Variants in APC observed in about 807,000 individuals in gnomAD.
APC encodes the protein APC regulator of Wnt signaling pathway, also known as adenomatous polyposis coli protein.
In APC, 72 loss-of-function variants were observed where a neutral mutation model predicts 247.0. That is an observed-to-expected ratio of 0.29 (90% CI 0.24 to 0.35). The LOEUF (loss-of-function observed/expected upper bound fraction) is 0.35. APC is among the 10% of genes least tolerant of loss of function. APC has a pLI of 1.00. For missense variants in APC, 3,400 were observed against 3,360.7 expected (o/e 1.01, Z -0.29); for synonymous variants, 1,254 against 1,162.5 (o/e 1.08, Z -1.60).
At position 112,838,900 on chromosome 5, in the gene APC, C is replaced by T. The variant is rs879254092; in HGVS notation, c.3306C>T (p.Tyr1102=). The change falls in exon 16 of 16, where the codon TAC becomes TAT. Residue 1102 remains tyrosine, a synonymous_variant. Coordinates refer to ENST00000257430, the MANE Select transcript of APC (RefSeq NM_000038.6). ...HFGQQECVSP[Y]RSRGANGSET... is the part of the protein sequence containing the mutation. ...GACAGCAGGAATGTGTTTCTCCATA[C>T]AGGTCACGGGGAGCCAATGGTTCAG... 1.2e-6 allele frequency: 2 copies of T among 1,614,100 alleles called. No homozygotes were observed. Among genetic ancestry groups the T allele is most frequent in the Non-Finnish European group, 1.7e-6 (2 of 1,180,038 alleles).
At chr5:112,739,237 CT>C (rs1230472851) in intron 1 of APC, among the ~76,000 whole-genome samples, 2 of 151,826 alleles carry the variant, frequency 1.3e-5, no homozygotes, top group South Asian at 2.1e-4. Flanking sequence ...TTTCATTGAG[CT>C]TTTTTTTCCT....
At chr5:112,767,115 AT>A in intron 3 of APC, 73 bp from the exon 4 acceptor site, 1 of 1,243,300 alleles carries the variant, frequency 8.0e-7, no homozygotes, top group Non-Finnish European at 1.2e-6. Flanking sequence ...TCACTTTAAA[AT>A]AATATAACAT....
intron 8 of APC, chr5:112,810,282 A>G (rs1761859560): frequency 5.6e-6 from 2 of 354,102 alleles, no homozygotes; most frequent in African/African-American, 2.2e-5. Context: ...CTGATGTCAC[A>G]GCAAAAGGTG....
At chr5:112,765,150 G>A (rs1407596761) in intron 2 of APC, among the ~76,000 whole-genome samples, 3 of 152,144 alleles carry the variant, frequency 2.0e-5, no homozygotes, top group African/African-American at 7.2e-5. Flanking sequence ...TGTCCCCCAG[G>A]CTGGAGTGCA....
At chr5:112,717,423 T>G (rs1425646556) in intron 1 of APC, among the ~76,000 whole-genome samples, 2 of 152,232 alleles carry the variant, frequency 1.3e-5, no homozygotes, top group Non-Finnish European at 2.9e-5. Context: ...ATCTTTTTAC[T>G]TTTCGTATGA....
chr5:112,737,753 A>G, upstream of APC: 1 of 799,646 alleles, frequency 1.3e-6, no homozygotes, highest in Non-Finnish European at 1.5e-6. Context: ...GGAAGCGGAG[A>G]GAGAAGCAGC....
At chr5:112,789,528 G>A (rs988344899) in intron 6 of APC, among the ~76,000 whole-genome samples, 1 of 152,158 alleles carries the variant, frequency 6.6e-6, no homozygotes, top group African/African-American at 2.4e-5. Context: ...ATATGGAAAT[G>A]TAGTGTAAAA....
At chr5:112,709,671 G>A (rs1176105002) in intron 1 of APC, among the ~76,000 whole-genome samples, 1 of 152,156 alleles carries the variant, frequency 6.6e-6, no homozygotes, top group African/African-American at 2.4e-5. Context: ...AGAGGCCAAA[G>A]CGCATGGATC....
At chr5:112,762,144 G>A (rs1755742446) in intron 2 of APC, among the ~76,000 whole-genome samples, 1 of 152,076 alleles carries the variant, frequency 6.6e-6, no homozygotes, top group Non-Finnish European at 1.5e-5. Flanking sequence ...CCATGAAAAG[G>A]GATTCAGCAT....
chr5:112,769,050 CTTTTTTTTTT>C (rs11379766), intron 4 of APC, among the ~76,000 whole-genome samples: 2 of 96,824 alleles, frequency 2.1e-5, no homozygotes, highest in Non-Finnish European at 3.9e-5. Context: ...TTTTTTTCTT[CTTTTTTTTTT>C]TTTTTTTTTT....
intron 1 of APC, among the ~76,000 whole-genome samples, chr5:112,712,649 C>T (rs1020670032): frequency 2.6e-5 from 4 of 151,572 alleles, no homozygotes; most frequent in Non-Finnish European, 2.9e-5. Context: ...CTGGGATTCT[C>T]AAAGTGCTGG....
chr5:112,764,092 A>AAG (rs1207899688), intron 2 of APC, among the ~76,000 whole-genome samples: 19 of 151,880 alleles, frequency 1.3e-4, no homozygotes, highest in Non-Finnish European at 2.8e-4. Flanking sequence ...AAAAAAAAAA[A>AAG]AAAATTAGCC....
Position 112,797,052 on chromosome 5 carries a change from G to C in APC, c.730-4227G>C, listed in dbSNP as rs957678787. ...TTTCCAGTACTGTTACAAGTTTCAGGTTGGAAACTTGTTTGTGTTTCTTGT... is the reference window on the plus strand; with the variant it reads ...TTTCCAGTACTGTTACAAGTTTCAGCTTGGAAACTTGTTTGTGTTTCTTGT... On this transcript the variant is annotated intron_variant, in intron 7 of 15. Transcript: ENST00000257430. Among the ~76,000 whole-genome samples, 12 of 151,886 alleles carry C rather than the reference G, an allele frequency of 7.9e-5. 1 individual carries two copies. Among genetic ancestry groups the C allele is most frequent in the African/African-American group, 2.9e-4 (12 of 41,346 alleles).
In APC at chr5:112,839,109, A is replaced by T. The variant is rs1024630299; in HGVS notation, c.3515A>T (p.His1172Leu). ...ATAAAATATAATGAAGAGAAACGTCATGTGGATCAGCCTATTGATTATAGT... is the reference window on the plus strand; with the variant it reads ...ATAAAATATAATGAAGAGAAACGTCTTGTGGATCAGCCTATTGATTATAGT... Reference protein sequence around the residue: ...YSIKYNEEKRHVDQPIDYSLK... With the variant: ...YSIKYNEEKRLVDQPIDYSLK... Residue 1172 changes from histidine (H) to leucine (L), a missense_variant, in exon 16 of 16, where the codon CAT becomes CTT. Physicochemically the swap from His to Leu is moderately conservative, Grantham distance 99. This residue lies in a region of APC where 715 missense variants were observed against 656.6 expected (regional missense o/e 1.09). Transcript: ENST00000257430. This position sits in a 1 kb window ranked among gnomAD's most constrained non-coding sequence, Gnocchi z 5.0. 2.5e-6 allele frequency: 4 copies of T among 1,614,032 alleles called. No individual in the cohort carries two copies. The highest frequency in any genetic ancestry group is 3.4e-6 in the Non-Finnish European group (4 of 1,180,026).
At chr5:112,728,590 T>G (rs1751929163) in intron 1 of APC, among the ~76,000 whole-genome samples, 1 of 152,232 alleles carries the variant, frequency 6.6e-6, no homozygotes, top group South Asian at 2.1e-4. Flanking sequence ...ACGCACAGTT[T>G]TTTCTAAATC....
chr5:112,737,097 A>G (rs1412966949), upstream of APC, among the ~76,000 whole-genome samples: 4 of 152,316 alleles, frequency 2.6e-5, no homozygotes, highest in Admixed American at 1.3e-4. Context: ...TTTAAATGCA[A>G]TGTAGAATTT....
intron 1 of APC, among the ~76,000 whole-genome samples, chr5:112,718,165 T>G (rs1276349349): frequency 6.6e-6 from 1 of 152,024 alleles, no homozygotes. Context: ...TTTATCCCCT[T>G]GAATGTAGTA....
chr5:112,836,460 A>G (rs1764959479), intron 15 of APC, among the ~76,000 whole-genome samples: 1 of 152,196 alleles, frequency 6.6e-6, no homozygotes, highest in Admixed American at 6.5e-5. Context: ...TGCTAAGAGA[A>G]GACGACCATG....
At chr5:112,733,399 C>T (rs1208089070), upstream of APC, among the ~76,000 whole-genome samples, 3 of 152,100 alleles carry the variant, frequency 2.0e-5, no homozygotes, top group African/African-American at 7.2e-5. Context: ...AAAGAGGTTA[C>T]TTAAGAGTGG....
Sources: allele counts gnomAD v4.1 joint callset (sites outside exome capture counted in the v4.1 genomes callset), GRCh38; gene constraint gnomAD v4.1.1; regional missense constraint gnomAD v4.1.1; non-coding constraint Gnocchi (gnomAD v3.1); transcripts MANE v1.5; gene names NCBI Gene and HGNC (gene_info 2026-07-23, HGNC 2026-07-21).